Variants in SIPA1L1 observed in about 807,000 individuals in gnomAD.
SIPA1L1 encodes the protein signal induced proliferation associated 1 like 1.
A neutral mutation model predicts 162.7 loss-of-function variants in SIPA1L1; 26 were observed. The ratio of observed to expected loss-of-function variants is 0.16; its 90% CI spans 0.12 to 0.22. The LOEUF (loss-of-function observed/expected upper bound fraction) is 0.22, where lower values mean the gene tolerates loss of function less well. Ranked by LOEUF, SIPA1L1 falls within the 10% of genes least tolerant of loss-of-function variation. The pLI, the probability that SIPA1L1 is intolerant of heterozygous loss-of-function variation, is 1.00. For missense variants in SIPA1L1, 1,874 were observed against 2,241.0 expected (o/e 0.84, Z 3.31); for synonymous variants, 829 against 837.4 (o/e 0.99, Z 0.17).
chr14:71,599,049 A>C (rs915577587), intron 5 of SIPA1L1, among the ~76,000 whole-genome samples: 6 of 152,002 alleles, frequency 3.9e-5, no homozygotes, highest in African/African-American at 1.5e-4. Context: ...GTGCCTGAAA[A>C]CATGCAATAT....
At position 71,608,154 on chromosome 14, in the gene SIPA1L1, G is replaced by A. The variant is rs558770719; in HGVS notation, c.1499-10603G>A. Among the ~76,000 whole-genome samples, 99 of 152,316 alleles carry A rather than the reference G, an allele frequency of 6.5e-4. 1 individual carries two copies. The highest frequency in any genetic ancestry group is 2.3e-3 in the African/African-American group (94 of 41,572). ...GAGACATCTTCCTATTTGCATTCAA[G>A]TCAAGTCTGAGAGAAGCATGAGCAG... On this transcript the variant is annotated intron_variant, in intron 5 of 23. Coordinates refer to ENST00000381232, the MANE Select transcript of SIPA1L1 (RefSeq NM_001386936.1).
chr14:71,424,249 T>TAA (rs1442873943), intron 2 of SIPA1L1, among the ~76,000 whole-genome samples: 1 of 152,104 alleles, frequency 6.6e-6, no homozygotes, highest in Non-Finnish European at 1.5e-5. Flanking sequence ...CTTTTCCAGT[T>TAA]AGAATGCCTT....
chr14:71,691,336 A>C (rs576017529), intron 13 of SIPA1L1, among the ~76,000 whole-genome samples: 29 of 152,296 alleles, frequency 1.9e-4, no homozygotes, highest in Admixed American at 9.2e-4. Context: ...TTATGCCTAT[A>C]ATCCCACCAC....
intron 17 of SIPA1L1, among the ~76,000 whole-genome samples, chr14:71,723,205 T>G (rs2083907275): frequency 6.6e-6 from 1 of 152,204 alleles, no homozygotes; most frequent in African/African-American, 2.4e-5. Flanking sequence ...GCCATAGCCC[T>G]GCTTGAGTCT....
chr14:71,432,827 A>G (rs1281448190), intron 2 of SIPA1L1, among the ~76,000 whole-genome samples: 1 of 152,192 alleles, frequency 6.6e-6, no homozygotes, highest in Admixed American at 6.5e-5. Context: ...TTTCACATTC[A>G]TTTGCGAACT....
intron 4 of SIPA1L1, among the ~76,000 whole-genome samples, chr14:71,544,085 GTA>G (rs2054842375): frequency 1.3e-5 from 2 of 148,452 alleles, no homozygotes; most frequent in Non-Finnish European, 1.5e-5. Context: ...GCACATGTAT[GTA>G]TATACACACG....
At chr14:71,490,094 T>C (rs549668479) in intron 2 of SIPA1L1, among the ~76,000 whole-genome samples, 21 of 152,320 alleles carry the variant, frequency 1.4e-4, no homozygotes, top group African/African-American at 5.1e-4. Flanking sequence ...TTTTTAATAA[T>C]CAGAGAAGTG....
chr14:71,609,287 G>A (rs571914796), intron 5 of SIPA1L1, among the ~76,000 whole-genome samples: 164 of 152,056 alleles, frequency 1.1e-3, no homozygotes, highest in Non-Finnish European at 1.9e-3. Flanking sequence ...TTACCTATTT[G>A]AGACTGGGTC....
intron 3 of SIPA1L1, among the ~76,000 whole-genome samples, chr14:71,528,263 T>C (rs2053086470): frequency 6.6e-6 from 1 of 152,198 alleles, no homozygotes; most frequent in African/African-American, 2.4e-5. Context: ...AATTTAGAAA[T>C]CGAAGCTTAT....
intron 3 of SIPA1L1, among the ~76,000 whole-genome samples, chr14:71,522,154 C>T (rs974620565): frequency 2.0e-5 from 3 of 152,118 alleles, no homozygotes; most frequent in African/African-American, 7.2e-5. Context: ...AATAATAGTT[C>T]TCTCTGTCTT....
At chr14:71,370,962 A>G (rs758242488) in intron 2 of SIPA1L1, among the ~76,000 whole-genome samples, 89 of 152,302 alleles carry the variant, frequency 5.8e-4, no homozygotes, top group Admixed American at 3.9e-4. Flanking sequence ...TAAAAGTGAT[A>G]TACATTAATA....
intron 4 of SIPA1L1, among the ~76,000 whole-genome samples, chr14:71,566,765 G>A (rs750125884): frequency 3.3e-5 from 5 of 152,170 alleles, no homozygotes; most frequent in Non-Finnish European, 5.9e-5. Context: ...GAAGACATCT[G>A]TATGATATTG....
chr14:71,531,626 G>A (rs1237477457), intron 4 of SIPA1L1, among the ~76,000 whole-genome samples: 2 of 152,058 alleles, frequency 1.3e-5, no homozygotes, highest in Non-Finnish European at 2.9e-5. Flanking sequence ...GTACAGTGGT[G>A]CAATCTCAGC....
At chr14:71,342,911 C>T (rs530663278) in intron 2 of SIPA1L1, among the ~76,000 whole-genome samples, 3 of 152,054 alleles carry the variant, frequency 2.0e-5, no homozygotes, top group Non-Finnish European at 4.4e-5. Context: ...CTCCTAAGAA[C>T]GAAGATTAAT....
At chr14:71,725,762 G>A (rs2084181410) in intron 19 of SIPA1L1, among the ~76,000 whole-genome samples, 1 of 152,176 alleles carries the variant, frequency 6.6e-6, no homozygotes. Context: ...GGGTCTCCTA[G>A]GAGAAGGGAG....
intron 4 of SIPA1L1, among the ~76,000 whole-genome samples, chr14:71,553,749 C>T (rs2056088802): frequency 6.6e-6 from 1 of 152,178 alleles, no homozygotes; most frequent in Non-Finnish European, 1.5e-5. Flanking sequence ...GGCTACTCTA[C>T]ATCATATACA....
At chr14:71,582,015 A>AT (rs1417960983) in intron 4 of SIPA1L1, among the ~76,000 whole-genome samples, 2 of 152,000 alleles carry the variant, frequency 1.3e-5, no homozygotes, top group East Asian at 3.9e-4. Flanking sequence ...GTTCTCCTTC[A>AT]TTTTGCCAGC....
chr14:71,383,084 A>G (rs1028166282), intron 2 of SIPA1L1, among the ~76,000 whole-genome samples: 3 of 152,216 alleles, frequency 2.0e-5, no homozygotes, highest in South Asian at 4.1e-4. Flanking sequence ...TAACAACTTC[A>G]GATTGCTACA....
In SIPA1L1 at chr14:71,709,424, G is replaced by T. The variant is rs2082705902; in HGVS notation, c.3968G>T (p.Gly1323Val). The T allele has an allele frequency of 1.9e-6, 3 of 1,614,190 alleles. No individual in the cohort carries two copies. Among genetic ancestry groups the T allele is most frequent in the Non-Finnish European group, 2.5e-6 (3 of 1,180,034 alleles). Residue 1323 changes from glycine to valine, a missense_variant, in exon 17 of 24, where the codon GGG becomes GTG. Coordinates refer to ENST00000381232, the MANE Select transcript of SIPA1L1 (RefSeq NM_001386936.1). ...AGCCACGGCAGCACAGCCTCGCTGG[G>T]GGCTGCCACATCGTCACCTCGCTCA... ...GPSHGSTASL[G>V]AATSSPRSGP...
Sources: gnomAD v4.1 joint callset for allele counts (sites outside exome capture counted in the v4.1 genomes callset) on GRCh38, gnomAD v4.1.1 for gene constraint, MANE v1.5 for transcripts, NCBI Gene and HGNC (gene_info 2026-07-23, HGNC 2026-07-21) for gene names.